CDH19: variants seen among roughly 807,000 people sequenced by gnomAD.
CDH19 encodes cadherin-19.
Under a neutral mutation model 64.2 loss-of-function variants are expected in CDH19, and 67 were observed. The observed-to-expected ratio is 1.04, with a 90% CI of 0.86 to 1.28. The LOEUF is 1.28. Among genes scored for constraint, CDH19 ranks in the 50% most tolerant of loss-of-function variants. The probability of loss-of-function intolerance (pLI) is 0.00; values close to 1 mark genes in which losing one functional copy is unlikely to be tolerated. For synonymous variants in CDH19, 346 were observed against 319.3 expected (o/e 1.08, Z -0.89); for missense variants, 1,030 against 929.0 (o/e 1.11, Z -1.41).
At chr18:66,544,479 T>C (rs1357129768) in intron 6 of CDH19, among the ~76,000 whole-genome samples, 1 of 151,806 alleles carries the variant, frequency 6.6e-6, no homozygotes, top group Non-Finnish European at 1.5e-5. Context: ...GAGAATTAAT[T>C]TCCTAGTATT....
intron 9 of CDH19, among the ~76,000 whole-genome samples, chr18:66,524,994 AC>A (rs1215739968): frequency 6.6e-6 from 1 of 151,998 alleles, no homozygotes; most frequent in East Asian, 1.9e-4. Flanking sequence ...GAAAGTATAT[AC>A]TGGTTCTGGA....
intron 9 of CDH19, among the ~76,000 whole-genome samples, chr18:66,526,551 A>C (rs2144403069): frequency 6.6e-6 from 1 of 152,244 alleles, no homozygotes; most frequent in South Asian, 2.1e-4. Flanking sequence ...TTCAAATTTA[A>C]AAATTATATC....
chr18:66,514,285 G>A (rs1047004751), intron 9 of CDH19, among the ~76,000 whole-genome samples: 8 of 151,298 alleles, frequency 5.3e-5, no homozygotes, highest in Non-Finnish European at 1.5e-5. Context: ...AAATGATACC[G>A]TAAAAGACAT....
chr18:66,506,715 TA>T (rs1464111342), intron 11 of CDH19, among the ~76,000 whole-genome samples: 1 of 151,792 alleles, frequency 6.6e-6, no homozygotes, highest in African/African-American at 2.4e-5. Flanking sequence ...GTATCAAGGA[TA>T]ACCAAGAGCC....
At chr18:66,510,390 T>C (rs971228165) in intron 10 of CDH19, among the ~76,000 whole-genome samples, 2 of 150,186 alleles carry the variant, frequency 1.3e-5, no homozygotes, top group Admixed American at 6.7e-5. Context: ...AATGTATTTA[T>C]TTCACCTCAG....
intron 5 of CDH19, among the ~76,000 whole-genome samples, chr18:66,550,298 C>T (rs1987293150): frequency 6.6e-6 from 1 of 152,036 alleles, no homozygotes; most frequent in Non-Finnish European, 1.5e-5. Context: ...GCAGTAATTG[C>T]TTAAATTATT....
At position 66,548,711 on chromosome 18, in the gene CDH19, C is replaced by T. The variant is rs554604473; in HGVS notation, c.775+2383G>A. On this transcript the variant is annotated intron_variant, in intron 5 of 11. Coordinates refer to ENST00000262150, the MANE Select transcript of CDH19 (RefSeq NM_021153.4). The stretch of plus-strand genomic sequence containing the variant: ...TCAAGTAGTGTGGATGTAACTCAAA[C>T]GGAGTAAGTTCTGAGATTTTGAGGT... 1.4e-4 allele frequency among the ~76,000 whole-genome samples: 21 copies of T among 152,018 alleles called. 1 individual carries two copies. The South Asian group carries it at 4.0e-3, about 29-fold the overall frequency.
At chr18:66,559,701 C>CAT (rs993978669) in intron 3 of CDH19, among the ~76,000 whole-genome samples, 19 of 150,082 alleles carry the variant, frequency 1.3e-4, no homozygotes, top group African/African-American at 4.1e-4. Flanking sequence ...TATACTCTGG[C>CAT]ATATATATAT....
chr18:66,569,747 C>T (rs746061678), intron 2 of CDH19, among the ~76,000 whole-genome samples: 6 of 151,636 alleles, frequency 4.0e-5, no homozygotes, highest in Non-Finnish European at 8.9e-5. Flanking sequence ...GTTCCCTAAT[C>T]ATTGTGAATC....
chr18:66,505,416 A>G, intron 11 of CDH19, 114 bp from the exon 12 acceptor site: 3 of 780,030 alleles, frequency 3.8e-6, no homozygotes, highest in Non-Finnish European at 3.6e-6. Flanking sequence ...TGATTATAAA[A>G]CAAAAAGATA....
intron 9 of CDH19, among the ~76,000 whole-genome samples, chr18:66,513,985 G>A (rs1598969386): frequency 6.6e-6 from 1 of 151,390 alleles, no homozygotes; most frequent in African/African-American, 2.4e-5. Context: ...GAATTGAAAA[G>A]TAACTACAAT....
intron 1 of CDH19, among the ~76,000 whole-genome samples, chr18:66,584,060 C>T (rs537887232): frequency 6.6e-6 from 1 of 152,010 alleles, no homozygotes; most frequent in South Asian, 2.1e-4. Context: ...ACAGACTAAA[C>T]AGGAAAACTA....
intron 4 of CDH19, among the ~76,000 whole-genome samples, chr18:66,552,469 TTCACACA>T (rs1987380116): frequency 7.3e-6 from 1 of 137,344 alleles, no homozygotes; most frequent in African/African-American, 3.3e-5. Flanking sequence ...ACTAAAGTGT[TTCACACA>T]TGTAATCAAT....
intron 2 of CDH19, among the ~76,000 whole-genome samples, chr18:66,571,772 G>A (rs1373520818): frequency 6.6e-6 from 1 of 151,590 alleles, no homozygotes; most frequent in Non-Finnish European, 1.5e-5. Context: ...TTGAAAATGA[G>A]GGCTGCATTT....
At chr18:66,515,075 C>G (rs1941727) in intron 9 of CDH19, among the ~76,000 whole-genome samples, 66,393 of 151,290 alleles carry the variant, frequency 0.44, 15,278 homozygotes, top group African/African-American at 0.57. Flanking sequence ...ATTTATATAA[C>G]TCATCAATTC....
chr18:66,591,076 C>G (rs11663376), intron 1 of CDH19, among the ~76,000 whole-genome samples: 51,234 of 151,554 alleles, frequency 0.34, 10,068 homozygotes, highest in Non-Finnish European at 0.45. Flanking sequence ...TCCATGATAC[C>G]ATAGTTTCAT....
chr18:66,544,806 C>T lies in CDH19; in HGVS notation c.873G>A (p.Met291Ile), dbSNP rs1185553868. 1.9e-6 allele frequency: 3 copies of T among 1,609,604 alleles called. No homozygotes were observed. Among genetic ancestry groups the T allele is most frequent in the Non-Finnish European group, 2.6e-6 (3 of 1,176,148 alleles). Residue 291 changes from methionine (M) to isoleucine (I), a missense_variant, in exon 6 of 12, where the codon ATG becomes ATA. By Grantham distance (10) the Met-to-Ile change is conservative. Coordinates refer to ENST00000262150, the MANE Select transcript of CDH19 (RefSeq NM_021153.4). ...AATCATCCTCTTCAATGCTGTAATC[C>T]ATTTCTGCATTCTCTCCTATGTCAT... is the stretch of plus-strand genomic sequence containing the variant. ...YDNDIGENAE[M>I]DYSIEEDDSQ...
chr18:66,532,304 G>T (rs1457220509), intron 8 of CDH19: 1 of 151,900 alleles, frequency 6.6e-6, no homozygotes, highest in African/African-American at 2.4e-5. Context: ...CTATAGGAAA[G>T]GTGCATACAA....
rs1359442222 is a variant in CDH19, at chr18:66,529,963, T to TC, written c.1339_1340insG (p.Asn447ArgfsTer16). 32 of 1,477,548 alleles carry TC rather than the reference T, an allele frequency of 2.2e-5. No individual in the cohort carries two copies. The highest frequency in any genetic ancestry group is 9.2e-5 in the South Asian group (7 of 75,802). 91.5% of individuals were successfully genotyped at this position (1,477,548 alleles called of 1,614,324 possible). On this transcript the variant is annotated frameshift_variant, in exon 9 of 12. Coordinates refer to ENST00000262150, the MANE Select transcript of CDH19 (RefSeq NM_021153.4). LOFTEE classifies it high-confidence loss of function. ...TGGGATCGAAGAGATCTGTTCTATATTGTCTGCAATTTGAATATATATAAT... is the reference window on the plus strand; with the variant it reads ...TGGGATCGAAGAGATCTGTTCTATATCTGTCTGCAATTTGAATATATATAAT...
Sources: gnomAD v4.1 joint callset for allele counts (sites outside exome capture counted in the v4.1 genomes callset) on GRCh38, gnomAD v4.1.1 for gene constraint, MANE v1.5 for transcripts, NCBI Gene and HGNC (gene_info 2026-07-23, HGNC 2026-07-21) for gene names.